LRFN5: variants seen among roughly 807,000 people sequenced by gnomAD.
LRFN5 encodes leucine-rich repeat and fibronectin type-III domain-containing protein 5.
In LRFN5, 24 loss-of-function variants were observed where a neutral mutation model predicts 45.6. That is an observed-to-expected ratio of 0.53 (90% confidence interval 0.38 to 0.74). The LOEUF is 0.74. Among genes scored for constraint, LRFN5 ranks in the 30% least tolerant of loss-of-function variants. The pLI, the probability that LRFN5 is intolerant of heterozygous loss-of-function variation, is 0.00. For synonymous variants in LRFN5, 340 were observed against 313.8 expected, an observed-to-expected ratio of 1.08 and a Z score of -0.88; for missense variants, 776 against 861.5, an observed-to-expected ratio of 0.90 and a Z score of 1.24.
chr14:41,822,885 T>G (rs79675227), intron 2 of LRFN5, among the ~76,000 whole-genome samples: 1,650 of 150,446 alleles, frequency 0.011, 33 homozygotes, highest in African/African-American at 0.037. Context: ...TTGATCTCTT[T>G]CTCATTATAT....
intron 1 of LRFN5, among the ~76,000 whole-genome samples, chr14:41,710,764 C>G (rs1000987112): frequency 2.0e-5 from 3 of 151,894 alleles, no homozygotes; most frequent in African/African-American, 7.3e-5. Flanking sequence ...TGTTATCCCT[C>G]CCCCGTCCCC....
At chr14:41,880,504 T>C (rs1483815024) in intron 2 of LRFN5, among the ~76,000 whole-genome samples, 1 of 152,130 alleles carries the variant, frequency 6.6e-6, no homozygotes, top group African/African-American at 2.4e-5. Context: ...ATTAAATTAA[T>C]TTCATTTAAT....
At chr14:41,795,367 G>A (rs896269902) in intron 2 of LRFN5, among the ~76,000 whole-genome samples, 5 of 152,044 alleles carry the variant, frequency 3.3e-5, no homozygotes, top group African/African-American at 1.2e-4. Flanking sequence ...AAGTCAGTGT[G>A]GAGATTCCTC....
chr14:41,847,274 A>C (rs1889101640), intron 2 of LRFN5, among the ~76,000 whole-genome samples: 1 of 152,128 alleles, frequency 6.6e-6, no homozygotes, highest in Non-Finnish European at 1.5e-5. Context: ...ATTAAACTTG[A>C]GAAACCTGAC....
chr14:41,897,263 TA>T (rs1303393480), intron 4 of LRFN5, among the ~76,000 whole-genome samples: 2 of 151,900 alleles, frequency 1.3e-5, no homozygotes, highest in East Asian at 3.9e-4. Context: ...ATTACCTCAC[TA>T]AGGTACTGTT....
At chr14:41,719,165 T>A (rs938613484) in intron 1 of LRFN5, among the ~76,000 whole-genome samples, 4 of 152,164 alleles carry the variant, frequency 2.6e-5, no homozygotes, top group African/African-American at 9.6e-5. Flanking sequence ...AGACCTCATA[T>A]AAAGGAATGT....
chr14:41,674,363 T>A (rs1881463030), intron 1 of LRFN5, among the ~76,000 whole-genome samples: 2 of 138,040 alleles, frequency 1.4e-5, no homozygotes, highest in African/African-American at 5.5e-5. Context: ...ATGGGGCGGC[T>A]GGCCGGGCGG....
chr14:41,710,544 T>C (rs541270728), intron 1 of LRFN5, among the ~76,000 whole-genome samples: 1 of 152,204 alleles, frequency 6.6e-6, no homozygotes, highest in South Asian at 2.1e-4. Context: ...CATTTTGTTA[T>C]AACTAACAAG....
chr14:41,753,399 C>G (rs979335690), intron 1 of LRFN5, among the ~76,000 whole-genome samples: 2 of 152,148 alleles, frequency 1.3e-5, no homozygotes, highest in Non-Finnish European at 2.9e-5. Flanking sequence ...TACCCATGAG[C>G]ATGGAATGTT....
intron 1 of LRFN5, among the ~76,000 whole-genome samples, chr14:41,670,943 C>T (rs924278484): frequency 1.3e-5 from 2 of 151,936 alleles, no homozygotes; most frequent in Non-Finnish European, 2.9e-5. Flanking sequence ...CTTGAACTGA[C>T]TTTTCTTTGA....
intron 4 of LRFN5, chr14:41,894,349 A>G (rs994587118): frequency 4.6e-6 from 4 of 861,018 alleles, no homozygotes; most frequent in Non-Finnish European, 4.2e-6. Flanking sequence ...TTAAAATTCC[A>G]TATTTAATCA....
intron 2 of LRFN5, among the ~76,000 whole-genome samples, chr14:41,795,747 TG>T (rs529818244): frequency 2.5e-3 from 368 of 149,252 alleles, no homozygotes; most frequent in Non-Finnish European, 3.8e-3. Context: ...GGACACAGAG[TG>T]GGGAACATCA....
At chr14:41,829,172 G>A (rs756419426) in intron 2 of LRFN5, among the ~76,000 whole-genome samples, 1 of 151,624 alleles carries the variant, frequency 6.6e-6, no homozygotes, top group Non-Finnish European at 1.5e-5. Context: ...TTTAATATTT[G>A]TCACCTCCAC....
intron 2 of LRFN5, among the ~76,000 whole-genome samples, chr14:41,884,368 A>G (rs767761722): frequency 6.6e-6 from 1 of 152,198 alleles, no homozygotes; most frequent in African/African-American, 2.4e-5. Flanking sequence ...AGAAGATTCT[A>G]TCTTTATTTG....
chr14:41,898,606 G>A (rs2139176267), intron 4 of LRFN5, among the ~76,000 whole-genome samples: 1 of 152,020 alleles, frequency 6.6e-6, no homozygotes, highest in South Asian at 2.1e-4. Flanking sequence ...ACAGAAACTC[G>A]ATTATCTTAT....
intron 4 of LRFN5, among the ~76,000 whole-genome samples, chr14:41,897,165 T>C (rs900720800): frequency 6.6e-6 from 1 of 151,556 alleles, no homozygotes; most frequent in African/African-American, 2.4e-5. Flanking sequence ...CATATTGTTT[T>C]GATTGAGCCA....
At chr14:41,703,569 C>T (rs1882925526) in intron 1 of LRFN5, among the ~76,000 whole-genome samples, 1 of 151,780 alleles carries the variant, frequency 6.6e-6, no homozygotes, top group African/African-American at 2.4e-5. Context: ...GTTTTTTTCC[C>T]AGCAAAAGTG....
At chr14:41,649,439 A>T (rs1879981625) in intron 1 of LRFN5, among the ~76,000 whole-genome samples, 1 of 152,208 alleles carries the variant, frequency 6.6e-6, no homozygotes, top group African/African-American at 2.4e-5. Context: ...TTTAGCTGTT[A>T]AGATACTATA....
At chr14:41,854,932 T>C (rs536260332) in intron 2 of LRFN5, among the ~76,000 whole-genome samples, 13 of 152,316 alleles carry the variant, frequency 8.5e-5, no homozygotes, top group African/African-American at 3.1e-4. Flanking sequence ...GCATGAGTCA[T>C]CTGTTGGCAA....
Sources: allele counts gnomAD v4.1 joint callset (sites outside exome capture counted in the v4.1 genomes callset), GRCh38; gene constraint gnomAD v4.1.1; transcripts MANE v1.5; gene names NCBI Gene and HGNC (gene_info 2026-07-23, HGNC 2026-07-21).